The following BCHE variants were observed in gnomAD, a reference collection of about 807,000 sequenced individuals.
BCHE encodes the protein butyrylcholinesterase.
Under a neutral mutation model 51.3 loss-of-function variants are expected in BCHE, and 48 were observed. The observed-to-expected ratio is 0.94, with a 90% CI of 0.74 to 1.19. BCHE has a LOEUF of 1.19. Ranked by LOEUF, BCHE falls within the 50% of genes most tolerant of loss-of-function variation. The pLI, the probability that BCHE is intolerant of heterozygous loss-of-function variation, is 0.00. For missense variants in BCHE, 847 were observed against 708.2 expected (o/e 1.20, Z -2.23); for synonymous variants, 251 against 238.0 (o/e 1.05, Z -0.50).
chr3:165,777,614 G>A (rs1333768624), intron 3 of BCHE: 15 of 265,970 alleles, frequency 5.6e-5, no homozygotes, highest in African/African-American at 1.4e-4. Context: ...TGTGTGCAGG[G>A]GCAAAGCAAA....
At chr3:165,824,853 G>A (rs1204434318) in intron 2 of BCHE, among the ~76,000 whole-genome samples, 2 of 151,634 alleles carry the variant, frequency 1.3e-5, no homozygotes, top group Non-Finnish European at 2.9e-5. Context: ...CAAAATAAAA[G>A]GAAAGGTATA....
At chr3:165,837,292 G>C in intron 1 of BCHE, 22 bp downstream of exon 1, 1 of 1,258,904 alleles carries the variant, frequency 7.9e-7, no homozygotes. Context: ...CTACACGAAG[G>C]TGTAAATTCA....
At chr3:165,783,736 T>C (rs1712803402) in intron 3 of BCHE, among the ~76,000 whole-genome samples, 1 of 152,070 alleles carries the variant, frequency 6.6e-6, no homozygotes, top group Non-Finnish European at 1.5e-5. Flanking sequence ...AAAATATTAT[T>C]ATCCTTGACA....
chr3:165,810,957 A>G (rs944389626), intron 2 of BCHE, among the ~76,000 whole-genome samples: 1 of 152,140 alleles, frequency 6.6e-6, no homozygotes, highest in Non-Finnish European at 1.5e-5. Context: ...TACGTAGTGG[A>G]GTGAAGTATC....
intron 2 of BCHE, among the ~76,000 whole-genome samples, chr3:165,800,213 T>C (rs1713585085): frequency 6.6e-6 from 1 of 152,150 alleles, no homozygotes; most frequent in Non-Finnish European, 1.5e-5. Context: ...TTGTCTAATC[T>C]TCCATTCAGT....
intron 2 of BCHE, among the ~76,000 whole-genome samples, chr3:165,796,943 T>C (rs968178925): frequency 2.6e-5 from 4 of 152,250 alleles, no homozygotes; most frequent in Non-Finnish European, 5.9e-5. Context: ...TCTGGAAGAT[T>C]ATTCTGTCTT....
chr3:165,837,418 T>C lies in BCHE; in HGVS notation c.-113A>G, dbSNP rs1715226618. The C allele has an allele frequency of 7.8e-7, 1 of 1,289,574 alleles. No individual in the cohort carries two copies. The highest frequency in any genetic ancestry group is 1.5e-5 in the African/African-American group (1 of 65,990). The allele number at this position is 1,289,574 out of a possible 1,614,324, so 79.9% of individuals were successfully genotyped here. A position where few individuals can be genotyped will look rare whatever the true frequency, so the allele number is the denominator to read the frequency against. On this transcript the variant is annotated 5_prime_UTR_variant, in exon 1 of 4. Transcript: ENST00000264381. ...TGCTGCTCCAGCCTGTAAATTGGAC[T>C]GCACTGACATTCAGTGTTACTGAAT...
chr3:165,830,121 C>T lies in BCHE; in HGVS notation c.913G>A (p.Ala305Thr). Residue 305 changes from alanine to threonine, a missense_variant, in exon 2 of 4, where the codon GCA becomes ACA. Coordinates refer to ENST00000264381, the MANE Select transcript of BCHE (RefSeq NM_000055.4). ...GGAGTCCCATAGGGGACAACAAATG[C>T]TTCATTCAGAAGAATTTCTTGGGGA... ...KDPQEILLNE[A>T]FVVPYGTPLS... is the part of the protein sequence containing the mutation. The T allele has an allele frequency of 6.2e-7, 1 of 1,613,860 alleles. No homozygotes were observed. Among genetic ancestry groups the T allele is most frequent in the Non-Finnish European group, 8.5e-7 (1 of 1,179,884 alleles).
In BCHE at chr3:165,786,286, T is replaced by C. The variant is rs1281563414; in HGVS notation, c.1543A>G (p.Ser515Gly). Residue 515 changes from serine to glycine, a missense_variant, in exon 3 of 4, where the codon AGC becomes GGC. Coordinates refer to ENST00000264381, the MANE Select transcript of BCHE (RefSeq NM_000055.4). The stretch of plus-strand genomic sequence containing the variant: ...CTTTTGAAGACAGGCCAGCTTGTGC[T>C]ATTGTTCTGAGTCTCATTTGGATTC... Reference protein sequence around the residue: ...YGNPNETQNNSTSWPVFKSTE... With the variant: ...YGNPNETQNNGTSWPVFKSTE... 2.5e-6 allele frequency: 4 copies of C among 1,611,754 alleles called. No individual in the cohort carries two copies. Among genetic ancestry groups the C allele is most frequent in the Middle Eastern group, 1.7e-4 (1 of 6,028 alleles).
rs762988755 is a variant in BCHE, at chr3:165,773,461, C to A, written c.1730G>T (p.Arg577Leu). Residue 577 changes from arginine (R) to leucine (L), a missense_variant, in exon 4 of 4, where the codon CGC (arginine) becomes CTC (leucine). Transcript: ENST00000264381. ...AEWEWKAGFH[R>L]WNNYMMDWKN... is the part of the protein sequence containing the mutation. ...CCAGTCCATCATGTAATTGTTCCAG[C>A]GATGGAATCCTGCTTTCCACTCCCA... is the stretch of plus-strand genomic sequence containing the variant. 5 of 1,608,332 alleles carry A rather than the reference C, an allele frequency of 3.1e-6. No homozygotes were observed. The Admixed American group carries it at 5.0e-5, about 16-fold the overall frequency.
chr3:165,801,269 C>T (rs752893052), intron 2 of BCHE, among the ~76,000 whole-genome samples: 4 of 152,110 alleles, frequency 2.6e-5, no homozygotes, highest in African/African-American at 4.8e-5. Context: ...CTGTCCAAGG[C>T]GGATGTGCCA....
rs573214999 is a variant in BCHE, at chr3:165,784,866, A to G, written c.1684+1279T>C. On this transcript the variant is annotated intron_variant, in intron 3 of 3. Coordinates refer to ENST00000264381, the MANE Select transcript of BCHE (RefSeq NM_000055.4). Reference sequence around the variant, plus strand: ...AAAGATTAATAATATATAGTATGTGATATGATAAATGATAGTATCTCTTTG... The same window carrying G: ...AAAGATTAATAATATATAGTATGTGGTATGATAAATGATAGTATCTCTTTG... Among the ~76,000 whole-genome samples the G allele has an allele frequency of 1.1e-3, 163 of 151,938 alleles. 1 individual carries two copies. Among genetic ancestry groups the G allele is most frequent in the African/African-American group, 3.6e-3 (149 of 41,526 alleles).
chr3:165,828,002 A>G (rs1466091422), intron 2 of BCHE: 1 of 455,848 alleles, frequency 2.2e-6, no homozygotes, highest in Non-Finnish European at 4.4e-6. Context: ...TAGTACTTCA[A>G]TGAATATCAA....
At chr3:165,786,597 T>A (rs1295212860) in intron 2 of BCHE, among the ~76,000 whole-genome samples, 1 of 151,810 alleles carries the variant, frequency 6.6e-6, no homozygotes, top group Non-Finnish European at 1.5e-5. Flanking sequence ...ATAAAATATA[T>A]CTTCATTCAC....
At chr3:165,813,701 A>G (rs543013843) in intron 2 of BCHE, among the ~76,000 whole-genome samples, 4 of 152,058 alleles carry the variant, frequency 2.6e-5, no homozygotes, top group African/African-American at 9.6e-5. Flanking sequence ...TTCAAGGATA[A>G]CAAAGGACAA....
At position 165,803,698 on chromosome 3, in the gene BCHE, T is replaced by C. The variant is rs73028213; in HGVS notation, c.1518-17387A>G. Among the ~76,000 whole-genome samples the C allele has an allele frequency of 2.3e-3, 349 of 152,340 alleles. 4 individuals are homozygous for C. The highest frequency in any genetic ancestry group is 8.1e-3 in the African/African-American group (335 of 41,574). On this transcript the variant is annotated intron_variant, in intron 2 of 3. Transcript: ENST00000264381. ...TGGAGAATGATGATCAATATTGACC[T>C]TGAATTTTTTGGCATAAGCAAGAGA... is the stretch of plus-strand genomic sequence containing the variant.
chr3:165,831,672 G>T (rs1019784736), intron 1 of BCHE, among the ~76,000 whole-genome samples: 2 of 152,056 alleles, frequency 1.3e-5, no homozygotes, highest in Admixed American at 1.3e-4. Flanking sequence ...CAAATATATG[G>T]TAGTCACCAT....
At chr3:165,792,684 A>G (rs1020401844) in intron 2 of BCHE, among the ~76,000 whole-genome samples, 1 of 152,218 alleles carries the variant, frequency 6.6e-6, no homozygotes, top group Non-Finnish European at 1.5e-5. Flanking sequence ...ATCGATTACT[A>G]AGATAAAATA....
chr3:165,830,544 C>A lies in BCHE; in HGVS notation c.490G>T (p.Val164Phe), dbSNP rs758223727. Residue 164 changes from valine to phenylalanine, a missense_variant, in exon 2 of 4, where the codon GTT becomes TTT. Val to Phe is a conservative substitution (Grantham distance 50, BLOSUM62 -1). Coordinates refer to ENST00000264381, the MANE Select transcript of BCHE (RefSeq NM_000055.4). Reference protein sequence around the residue: ...HVYDGKFLARVERVIVVSMNY... With the variant: ...HVYDGKFLARFERVIVVSMNY... ...ATTGACACTACAATAACTCTTTCAA[C>A]CCGAGCCAGAAACTTGCCATCATAA... 1 of 1,613,930 alleles carries A rather than the reference C, an allele frequency of 6.2e-7. No individual in the cohort carries two copies. Among genetic ancestry groups the A allele is most frequent in the Non-Finnish European group, 8.5e-7 (1 of 1,179,926 alleles).
Sources: gnomAD v4.1 joint callset for allele counts (sites outside exome capture counted in the v4.1 genomes callset) on GRCh38, gnomAD v4.1.1 for gene constraint, MANE v1.5 for transcripts, NCBI Gene and HGNC (gene_info 2026-07-23, HGNC 2026-07-21) for gene names.